Variants in BRINP3 observed in about 807,000 individuals in gnomAD.
BRINP3 encodes the protein BMP/retinoic acid inducible neural specific 3.
In BRINP3, 19 loss-of-function variants were observed where a neutral mutation model predicts 71.0. That is an observed-to-expected ratio of 0.27 (90% CI 0.19 to 0.39). The LOEUF (loss-of-function observed/expected upper bound fraction) is 0.39, where lower values mean the gene tolerates loss of function less well. Among genes scored for constraint, BRINP3 ranks in the 10% least tolerant of loss-of-function variants. The pLI is 1.00. For synonymous variants in BRINP3, 380 were observed against 337.7 expected, an observed-to-expected ratio of 1.13 and a Z score of -1.37; for missense variants, 959 against 940.8, an observed-to-expected ratio of 1.02 and a Z score of -0.25.
At chr1:190,143,129 G>C (rs1186274965) in intron 7 of BRINP3, among the ~76,000 whole-genome samples, 1 of 152,106 alleles carries the variant, frequency 6.6e-6, no homozygotes, top group African/African-American at 2.4e-5. Context: ...CTATACATCA[G>C]CTTGGAGTGG....
chr1:190,269,271 C>G (rs146666513), intron 3 of BRINP3, among the ~76,000 whole-genome samples: 3 of 152,076 alleles, frequency 2.0e-5, no homozygotes, highest in African/African-American at 7.2e-5. Flanking sequence ...ATGATTCTAT[C>G]AAAGGATAAA....
chr1:190,454,727 T>TGGAA lies in BRINP3; in HGVS notation c.160_163dup (p.His55LeufsTer19). 6.2e-7 allele frequency: 1 copy of TGGAA among 1,614,176 alleles called. No individual in the cohort carries two copies. On this transcript the variant is annotated frameshift_variant, in exon 2 of 8. Coordinates refer to ENST00000367462, the MANE Select transcript of BRINP3 (RefSeq NM_199051.3). LOFTEE classifies it high-confidence loss of function. ...AAAATCTGTGTATTCCTGTGAGCGA[T>TGGAA]GGAAGGGTCCCTTATCAGAGAGGAG...
At chr1:190,156,896 C>T (rs1034458714) in intron 7 of BRINP3, among the ~76,000 whole-genome samples, 8 of 151,934 alleles carry the variant, frequency 5.3e-5, no homozygotes, top group African/African-American at 1.7e-4. Context: ...TTCAGCTTCC[C>T]ACATTTTCAT....
chr1:190,425,120 A>T (rs1673619013), intron 2 of BRINP3, among the ~76,000 whole-genome samples: 2 of 151,740 alleles, frequency 1.3e-5, no homozygotes, highest in South Asian at 2.1e-4. Flanking sequence ...AAAGAAAATA[A>T]CAAAGTTTAA....
chr1:190,465,371 G>C (rs1053650397), intron 1 of BRINP3, among the ~76,000 whole-genome samples: 15 of 151,804 alleles, frequency 9.9e-5, no homozygotes, highest in African/African-American at 3.6e-4. Context: ...CTCTAGTCAG[G>C]CTCCTGTTAA....
chr1:190,370,199 G>A lies in BRINP3; in HGVS notation c.236+84456C>T, dbSNP rs191256209. Among the ~76,000 whole-genome samples the A allele has an allele frequency of 2.1e-3, 327 of 152,262 alleles. 1 individual carries two copies. Among genetic ancestry groups the A allele is most frequent in the African/African-American group, 6.5e-3 (272 of 41,566 alleles). On this transcript the variant is annotated intron_variant, in intron 2 of 7. Transcript: ENST00000367462. ...CACATACACAAGCACAATTTTGTAA[G>A]CTGGTTCTTTAAGAATAAATAAGTC...
chr1:190,398,361 A>G (rs2102342778), intron 2 of BRINP3, among the ~76,000 whole-genome samples: 1 of 152,172 alleles, frequency 6.6e-6, no homozygotes, highest in Non-Finnish European at 1.5e-5. Flanking sequence ...AATATAGCTT[A>G]CACTGAATAT....
chr1:190,206,319 CTAAATAAATAAA>C (rs1025445259), intron 6 of BRINP3, among the ~76,000 whole-genome samples: 2 of 151,458 alleles, frequency 1.3e-5, no homozygotes, highest in African/African-American at 2.4e-5. Flanking sequence ...TCCTATTCTG[CTAAATAAATAAA>C]TAAATAAATA....
At chr1:190,366,150 T>C (rs1445936681) in intron 2 of BRINP3, among the ~76,000 whole-genome samples, 1 of 152,098 alleles carries the variant, frequency 6.6e-6, no homozygotes, top group Non-Finnish European at 1.5e-5. Flanking sequence ...TCTGTTCTCA[T>C]GCTTCTATAA....
intron 6 of BRINP3, among the ~76,000 whole-genome samples, chr1:190,214,908 C>G (rs997353810): frequency 6.6e-6 from 1 of 151,722 alleles, no homozygotes; most frequent in Non-Finnish European, 1.5e-5. Flanking sequence ...AATTGAAACT[C>G]TAGAGGCAAG....
intron 2 of BRINP3, among the ~76,000 whole-genome samples, chr1:190,330,575 G>A (rs1384614268): frequency 6.6e-6 from 1 of 151,894 alleles, no homozygotes; most frequent in East Asian, 1.9e-4. Flanking sequence ...AGTTTGGATA[G>A]TTCTCAAAGA....
At chr1:190,249,590 T>C (rs1659931956) in intron 4 of BRINP3, among the ~76,000 whole-genome samples, 1 of 151,866 alleles carries the variant, frequency 6.6e-6, no homozygotes, top group East Asian at 1.9e-4. Context: ...ATGTCAAAAA[T>C]ATGATAATTT....
intron 2 of BRINP3, among the ~76,000 whole-genome samples, chr1:190,335,160 T>A (rs750439901): frequency 3.3e-5 from 5 of 151,856 alleles, no homozygotes; most frequent in Non-Finnish European, 5.9e-5. Context: ...AACAAAAAGA[T>A]CTTCATCAAT....
intron 6 of BRINP3, among the ~76,000 whole-genome samples, chr1:190,194,718 G>A (rs1654330125): frequency 6.6e-6 from 1 of 152,052 alleles, no homozygotes; most frequent in Admixed American, 6.6e-5. Context: ...TGCTGTTTAT[G>A]TAGATTAATT....
intron 2 of BRINP3, among the ~76,000 whole-genome samples, chr1:190,364,574 G>C (rs1478117942): frequency 6.6e-6 from 1 of 151,726 alleles, no homozygotes; most frequent in Non-Finnish European, 1.5e-5. Context: ...TTACACTTTG[G>C]AACAGTTATA....
At chr1:190,219,622 G>A (rs1033220348) in intron 6 of BRINP3, among the ~76,000 whole-genome samples, 6 of 151,836 alleles carry the variant, frequency 4.0e-5, no homozygotes, top group South Asian at 2.1e-4. Context: ...GGTGGATCAC[G>A]AGGTCAAGAG....
intron 3 of BRINP3, among the ~76,000 whole-genome samples, chr1:190,278,936 C>A (rs1195411069): frequency 1.3e-5 from 2 of 150,944 alleles, no homozygotes; most frequent in Non-Finnish European, 3.0e-5. Context: ...CATAGTAAAA[C>A]AATTAAATTT....
chr1:190,201,254 T>C, intron 6 of BRINP3, among the ~76,000 whole-genome samples: 1 of 152,170 alleles, frequency 6.6e-6, no homozygotes, highest in East Asian at 1.9e-4. Context: ...AAAAGACTAC[T>C]GGCATTTTGC....
At chr1:190,194,544 C>T (rs1654314648) in intron 6 of BRINP3, among the ~76,000 whole-genome samples, 1 of 151,964 alleles carries the variant, frequency 6.6e-6, no homozygotes, top group Non-Finnish European at 1.5e-5. Context: ...CATAAGAGTA[C>T]CATATGTTGA....
Sources: gnomAD v4.1 joint callset for allele counts (sites outside exome capture counted in the v4.1 genomes callset) on GRCh38, gnomAD v4.1.1 for gene constraint, MANE v1.5 for transcripts, NCBI Gene and HGNC (gene_info 2026-07-23, HGNC 2026-07-21) for gene names.